The following SMG1 variants were observed in gnomAD, a reference collection of about 807,000 sequenced individuals.
SMG1 encodes serine/threonine-protein kinase SMG1.
In SMG1, 22 loss-of-function variants were observed where a neutral mutation model predicts 419.9. The observed-to-expected ratio is 0.05, with a 90% confidence interval of 0.04 to 0.07. The LOEUF (loss-of-function observed/expected upper bound fraction) is 0.07. Ranked by LOEUF, SMG1 falls within the 10% of genes least tolerant of loss-of-function variation. The pLI is 1.00. For synonymous variants in SMG1, 1,538 were observed against 1,553.5 expected (o/e 0.99, Z 0.23); for missense variants, 3,185 against 4,342.0 (o/e 0.73, Z 7.49).
At chr16:18,904,526 T>C (rs1311490684) in intron 1 of SMG1, among the ~76,000 whole-genome samples, 2 of 151,782 alleles carry the variant, frequency 1.3e-5, no homozygotes, top group East Asian at 2.0e-4. Flanking sequence ...TAGTCCCAGC[T>C]ACCTGGGAGG....
At chr16:18,849,102 A>C (rs1404895281) in intron 36 of SMG1, 115 bp downstream of exon 36, 13 of 323,654 alleles carry the variant, frequency 4.0e-5, no homozygotes, top group African/African-American at 9.4e-5. Flanking sequence ...AAAAAAAAAA[A>C]AAAACCCTAC....
intron 23 of SMG1, chr16:18,866,395 G>A (rs1209244328): frequency 2.1e-5 from 12 of 574,422 alleles, no homozygotes; most frequent in Non-Finnish European, 3.7e-5. Flanking sequence ...GACAGGTCTT[G>A]TTTTACAGTG....
At chr16:18,922,907 C>A (rs1472082724) in intron 1 of SMG1, among the ~76,000 whole-genome samples, 1 of 152,158 alleles carries the variant, frequency 6.6e-6, no homozygotes, top group Non-Finnish European at 1.5e-5. Context: ...GTGGTGAAAA[C>A]CCCATCTCTA....
intron 1 of SMG1, among the ~76,000 whole-genome samples, chr16:18,905,056 T>G (rs2037505612): frequency 6.6e-6 from 1 of 151,756 alleles, no homozygotes; most frequent in South Asian, 2.1e-4. Flanking sequence ...GTTCAGGAGT[T>G]TGAGACCAGC....
At chr16:18,814,873 C>T (rs942297176) in intron 60 of SMG1, among the ~76,000 whole-genome samples, 8 of 130,262 alleles carry the variant, frequency 6.1e-5, no homozygotes, top group Non-Finnish European at 9.9e-5. Context: ...CCACCTCGCC[C>T]GGCCTTTTTT....
intron 1 of SMG1, among the ~76,000 whole-genome samples, chr16:18,919,727 T>C (rs545493164): frequency 6.7e-6 from 1 of 149,178 alleles, no homozygotes; most frequent in Admixed American, 6.7e-5. Flanking sequence ...CAATATTTAC[T>C]GAATTAGAGT....
In SMG1 at chr16:18,842,228, C is replaced by T; in HGVS notation, c.6446G>A (p.Ser2149Asn). ...CCTACCTTTGAAAAGATAAGGATAG[C>T]TCTTCCCATCTGATCCAAGAAAGAG... ...KLLFLGSDGK[S>N]YPYLFKGLED... Residue 2149 changes from serine to asparagine, a missense_variant, in exon 40 of 63, where the codon AGC (serine) becomes AAC (asparagine). Ser to Asn is a conservative substitution (Grantham distance 46). Coordinates refer to ENST00000446231, the MANE Select transcript of SMG1 (RefSeq NM_015092.5). The T allele has an allele frequency of 6.2e-7, 1 of 1,613,668 alleles. No homozygotes were observed. Among genetic ancestry groups the T allele is most frequent in the Non-Finnish European group, 8.5e-7 (1 of 1,179,742 alleles).
In SMG1 at chr16:18,816,759, A is replaced by G. The variant is rs183208219; in HGVS notation, c.10075-230T>C. Among the ~76,000 whole-genome samples the G allele has an allele frequency of 5.5e-3, 833 of 152,360 alleles. 5 individuals carry two copies. The highest frequency in any genetic ancestry group is 0.012 in the South Asian group (56 of 4,834). ...ATAATCATGCAGGCTTTAAATGCTT[A>G]AAGTTTAAGACCTGAGAAATACATT... On this transcript the variant is annotated intron_variant, in intron 57 of 62. Coordinates refer to ENST00000446231, the MANE Select transcript of SMG1 (RefSeq NM_015092.5).
chr16:18,839,584 T>C, intron 42 of SMG1, 114 bp downstream of exon 42: 1 of 1,377,710 alleles, frequency 7.3e-7, no homozygotes, highest in South Asian at 1.3e-5. Flanking sequence ...CGTCTCAAAC[T>C]ACCAAGTCTG....
intron 6 of SMG1, among the ~76,000 whole-genome samples, chr16:18,889,049 C>T (rs1279490854): frequency 6.6e-6 from 1 of 151,060 alleles, no homozygotes; most frequent in African/African-American, 2.5e-5. Context: ...TGGTCTCGAT[C>T]TCCTGACCTC....
At chr16:18,878,908 GC>G (rs2036263633) in intron 11 of SMG1, 1 of 158,166 alleles carries the variant, frequency 6.3e-6, no homozygotes, top group Non-Finnish European at 1.4e-5. Flanking sequence ...TACCTGGGGG[GC>G]TGAGGTGGGA....
At chr16:18,841,505 C>G in intron 41 of SMG1, 60 bp downstream of exon 41, 1 of 1,506,406 alleles carries the variant, frequency 6.6e-7, no homozygotes, top group Non-Finnish European at 9.2e-7. Flanking sequence ...AGTAAGTCTA[C>G]AAGTATTTCA....
chr16:18,892,873 T>C (rs1327576706), intron 3 of SMG1, among the ~76,000 whole-genome samples: 3 of 152,168 alleles, frequency 2.0e-5, no homozygotes, highest in African/African-American at 7.2e-5. Flanking sequence ...AAAAAAATAT[T>C]TGCTGAAGGA....
At chr16:18,810,831 A>G (rs1297383215) in intron 62 of SMG1, among the ~76,000 whole-genome samples, 2 of 152,202 alleles carry the variant, frequency 1.3e-5, no homozygotes, top group East Asian at 3.9e-4. Context: ...GGTGAAGTTT[A>G]GGCATGAAGT....
intron 39 of SMG1, among the ~76,000 whole-genome samples, chr16:18,843,724 T>C (rs1487205699): frequency 6.6e-6 from 1 of 152,198 alleles, no homozygotes. Context: ...ATCTCATTCG[T>C]AGAAGTTCAA....
chr16:18,838,239 T>TC lies in SMG1; in HGVS notation c.7195-8dup. The stretch of plus-strand genomic sequence containing the variant: ...GCCGCATAATGTGTAAAACCTGTTT[T>TC]CAGGAGAGTTTTTAAAATAAGGTCT... On this transcript the variant is annotated splice_polypyrimidine_tract_variant and splice_region_variant and intron_variant, in intron 44 of 62. Transcript: ENST00000446231. 1 of 1,609,390 alleles carries TC rather than the reference T, an allele frequency of 6.2e-7. No homozygotes were observed. Among genetic ancestry groups the TC allele is most frequent in the Non-Finnish European group, 8.5e-7 (1 of 1,177,224 alleles).
At chr16:18,876,501 A>C in intron 12 of SMG1, 108 bp from the exon 13 acceptor site, 4 of 1,363,052 alleles carry the variant, frequency 2.9e-6, no homozygotes, top group Non-Finnish European at 4.0e-6. Context: ...AAATAAATTT[A>C]AGATCGATCA....
At chr16:18,841,234 T>C (rs1328262031) in intron 41 of SMG1, among the ~76,000 whole-genome samples, 1 of 151,858 alleles carries the variant, frequency 6.6e-6, no homozygotes, top group African/African-American at 2.4e-5. Context: ...ATCCCATCTC[T>C]ACTAAAAATA....
intron 1 of SMG1, among the ~76,000 whole-genome samples, chr16:18,921,276 G>A (rs1358979642): frequency 6.6e-6 from 1 of 152,008 alleles, no homozygotes; most frequent in Non-Finnish European, 1.5e-5. Context: ...CCCAGAGGAA[G>A]TCAAGGCTGC....
Sources: allele counts gnomAD v4.1 joint callset (sites outside exome capture counted in the v4.1 genomes callset), GRCh38; gene constraint gnomAD v4.1.1; transcripts MANE v1.5; gene names NCBI Gene and HGNC (gene_info 2026-07-23, HGNC 2026-07-21).